Variants in PDZRN4 observed in about 807,000 individuals in gnomAD.
The protein encoded by PDZRN4 is PDZ domain containing ring finger 4.
A neutral mutation model predicts 99.0 loss-of-function variants in PDZRN4; 70 were observed. That is an observed-to-expected ratio of 0.71 (90% confidence interval 0.58 to 0.86). The LOEUF (loss-of-function observed/expected upper bound fraction) is 0.86. PDZRN4 is among the 40% of genes least tolerant of loss of function. The pLI is 0.00. For missense variants in PDZRN4, 1,474 were observed against 1,331.2 expected, an observed-to-expected ratio of 1.11 and a Z score of -1.67; for synonymous variants, 551 against 501.6, an observed-to-expected ratio of 1.10 and a Z score of -1.32.
chr12:41,345,999 T>G (rs754506855), intron 3 of PDZRN4, among the ~76,000 whole-genome samples: 5 of 152,112 alleles, frequency 3.3e-5, no homozygotes, highest in African/African-American at 4.8e-5. Context: ...CTGGAGGATA[T>G]TCAGTCTGTG....
rs566066513 is a variant in PDZRN4, at chr12:41,388,398, A to G, written c.844-118058A>G. Among the ~76,000 whole-genome samples, 599 of 152,276 alleles carry G rather than the reference A, an allele frequency of 3.9e-3. 2 individuals are homozygous for G. The highest frequency in any genetic ancestry group is 0.014 in the African/African-American group (579 of 41,556). On this transcript the variant is annotated intron_variant, in intron 3 of 9. Transcript: ENST00000402685. The stretch of plus-strand genomic sequence containing the variant: ...CTTAAAATAAAAGATTAAAAAAAAA[A>G]AAGGAAAGTTGGAGGAATCGCAAGA...
At chr12:41,206,488 A>C (rs533533528) in intron 3 of PDZRN4, among the ~76,000 whole-genome samples, 1 of 147,040 alleles carries the variant, frequency 6.8e-6, no homozygotes, top group East Asian at 1.9e-4. Context: ...ATCACGTACC[A>C]TATTAATAAA....
chr12:41,333,146 A>G (rs1446452110), intron 3 of PDZRN4, among the ~76,000 whole-genome samples: 1 of 152,078 alleles, frequency 6.6e-6, no homozygotes, highest in Non-Finnish European at 1.5e-5. Context: ...GAGAAAATCA[A>G]TAACTCTGTA....
chr12:41,509,855 A>T lies in PDZRN4; in HGVS notation c.1145A>T (p.Asn382Ile). ...ATGGAGCATGAATTTTATGAGGACAATGAGTATATTTCCAGCTTGCCTGCT... is the reference window on the plus strand; with the variant it reads ...ATGGAGCATGAATTTTATGAGGACATTGAGTATATTTCCAGCTTGCCTGCT... ...HPMEHEFYED[N>I]EYISSLPADA... Residue 382 changes from asparagine to isoleucine, a missense_variant, in exon 5 of 10, where the codon AAT (asparagine) becomes ATT (isoleucine). Asn to Ile is a moderately radical substitution (Grantham distance 149). Coordinates refer to ENST00000402685, the MANE Select transcript of PDZRN4 (RefSeq NM_001164595.2). 1 of 1,604,068 alleles carries T rather than the reference A, an allele frequency of 6.2e-7. No individual in the cohort carries two copies. The highest frequency in any genetic ancestry group is 8.5e-7 in the Non-Finnish European group (1 of 1,173,664).
chr12:41,201,162 G>T (rs1591965276), intron 3 of PDZRN4, among the ~76,000 whole-genome samples: 1 of 37,218 alleles, frequency 2.7e-5, no homozygotes, highest in Non-Finnish European at 7.0e-5. Context: ...CTTTCTTTGT[G>T]CAATTAAAAA....
intron 3 of PDZRN4, among the ~76,000 whole-genome samples, chr12:41,486,933 G>A (rs1361470212): frequency 2.6e-5 from 4 of 152,088 alleles, no homozygotes; most frequent in Non-Finnish European, 5.9e-5. Flanking sequence ...CCAGCTAGCG[G>A]CAGGAGCATT....
At chr12:41,265,620 C>T (rs1212888407) in intron 3 of PDZRN4, among the ~76,000 whole-genome samples, 1 of 152,176 alleles carries the variant, frequency 6.6e-6, no homozygotes, top group Non-Finnish European at 1.5e-5. Flanking sequence ...AGTCAGTCCT[C>T]AGTTGTTTCT....
chr12:41,511,036 T>C (rs1259541787), intron 5 of PDZRN4, among the ~76,000 whole-genome samples: 1 of 152,158 alleles, frequency 6.6e-6, no homozygotes, highest in Non-Finnish European at 1.5e-5. Context: ...TATCCATTGC[T>C]TTGTCTATTC....
At chr12:41,549,199 G>T (rs1281701652) in intron 5 of PDZRN4, among the ~76,000 whole-genome samples, 2 of 152,116 alleles carry the variant, frequency 1.3e-5, no homozygotes, top group Non-Finnish European at 2.9e-5. Flanking sequence ...TCACTTTTAT[G>T]TGTTTCATCA....
intron 3 of PDZRN4, among the ~76,000 whole-genome samples, chr12:41,346,547 C>T (rs1951856587): frequency 6.6e-6 from 1 of 151,870 alleles, no homozygotes; most frequent in Admixed American, 6.6e-5. Context: ...ATTAGACATC[C>T]TTGAAGGTTC....
chr12:41,434,013 A>G (rs1473178044), intron 3 of PDZRN4, among the ~76,000 whole-genome samples: 1 of 152,210 alleles, frequency 6.6e-6, no homozygotes, highest in Non-Finnish European at 1.5e-5. Flanking sequence ...CCCTTCCTAA[A>G]GAGTAACCAC....
chr12:41,374,952 C>A (rs1952068862), intron 3 of PDZRN4, among the ~76,000 whole-genome samples: 1 of 152,108 alleles, frequency 6.6e-6, no homozygotes, highest in Non-Finnish European at 1.5e-5. Flanking sequence ...CATTTGTTTT[C>A]ATTTTGTGCT....
chr12:41,492,217 T>C (rs1937901055), intron 3 of PDZRN4, among the ~76,000 whole-genome samples: 2 of 151,804 alleles, frequency 1.3e-5, no homozygotes, highest in Admixed American at 1.3e-4. Flanking sequence ...GGAAAACTTA[T>C]CATCTAAGAT....
At chr12:41,442,173 G>A (rs537047277) in intron 3 of PDZRN4, among the ~76,000 whole-genome samples, 1 of 152,070 alleles carries the variant, frequency 6.6e-6, no homozygotes, top group South Asian at 2.1e-4. Context: ...AATGCAATTT[G>A]TAATTGCTCC....
intron 7 of PDZRN4, among the ~76,000 whole-genome samples, chr12:41,557,863 A>G (rs138795356): frequency 6.6e-6 from 1 of 152,312 alleles, no homozygotes; most frequent in African/African-American, 2.4e-5. Context: ...CGTCTATCAT[A>G]CACAGGGGAA....
At chr12:41,255,191 G>A (rs1179518786) in intron 3 of PDZRN4, among the ~76,000 whole-genome samples, 3 of 152,134 alleles carry the variant, frequency 2.0e-5, no homozygotes, top group Non-Finnish European at 4.4e-5. Context: ...AGTGGGGCCA[G>A]AGTATAGAGT....
intron 3 of PDZRN4, among the ~76,000 whole-genome samples, chr12:41,289,611 A>G (rs1161576994): frequency 6.6e-6 from 1 of 152,194 alleles, no homozygotes; most frequent in Non-Finnish European, 1.5e-5. Flanking sequence ...ACTTGACTTC[A>G]TTTTGAAGTA....
rs1388517003 is a variant in PDZRN4, at chr12:41,340,767, T to A, written c.843+146579T>A. On this transcript the variant is annotated intron_variant, in intron 3 of 9. Transcript: ENST00000402685. ...AAAAAAAGGCCCACGACCCATTGGC[T>A]TCACTGCTGAATTCTTCCATAGATT... 2.6e-5 allele frequency among the ~76,000 whole-genome samples: 4 copies of A among 151,832 alleles called. No individual in the cohort carries two copies. The East Asian group carries it at 7.8e-4, about 29-fold the overall frequency.
intron 3 of PDZRN4, among the ~76,000 whole-genome samples, chr12:41,469,241 A>T (rs983734391): frequency 1.3e-5 from 2 of 152,150 alleles, no homozygotes; most frequent in Non-Finnish European, 2.9e-5. Flanking sequence ...TATGTGTGAA[A>T]AAAGGTACAC....
Sources: allele counts gnomAD v4.1 joint callset (sites outside exome capture counted in the v4.1 genomes callset), GRCh38; gene constraint gnomAD v4.1.1; transcripts MANE v1.5; gene names NCBI Gene and HGNC (gene_info 2026-07-23, HGNC 2026-07-21).